Variants in ANO2 observed in about 807,000 individuals in gnomAD.
ANO2 encodes anoctamin 2, also known as anoctamin-2.
A neutral mutation model predicts 124.2 loss-of-function variants in ANO2; 101 were observed. The ratio of observed to expected loss-of-function variants is 0.81; its 90% CI spans 0.69 to 0.96. ANO2 has a LOEUF of 0.96. Among genes scored for constraint, ANO2 ranks in the 40% least tolerant of loss-of-function variants. ANO2 has a pLI of 0.00. For synonymous variants in ANO2, 486 were observed against 482.5 expected (o/e 1.01, Z -0.09); for missense variants, 1,293 against 1,274.5 (o/e 1.01, Z -0.22).
rs957185195 is a variant in ANO2 at position 5,769,532 on chromosome 12, C to G, written c.1056-18562G>C. Among the ~76,000 whole-genome samples the G allele has an allele frequency of 6.6e-6, 1 of 152,192 alleles. No homozygotes were observed. Among genetic ancestry groups the G allele is most frequent in the East Asian group, 1.9e-4 (1 of 5,174 alleles). The stretch of plus-strand genomic sequence containing the variant: ...CAAGAAAAACAAAGCAGGCAGAAAC[C>G]GAGTCACAGCATTGGCAGAATCCTC... On this transcript the variant is annotated intron_variant, in intron 10 of 24. Coordinates refer to ENST00000682330, the MANE Select transcript of ANO2 (RefSeq NM_001364791.2). This position sits in a 1 kb window ranked among gnomAD's most constrained non-coding sequence, Gnocchi z 4.0.
chr12:5,634,114 A>G (rs1945876872), intron 16 of ANO2, among the ~76,000 whole-genome samples: 3 of 152,230 alleles, frequency 2.0e-5, no homozygotes, highest in East Asian at 3.9e-4. Context: ...AGAAACACAG[A>G]TAACGTTCAC....
intron 10 of ANO2, among the ~76,000 whole-genome samples, chr12:5,788,922 AG>A (rs1952619524): frequency 6.6e-6 from 1 of 152,222 alleles, no homozygotes; most frequent in South Asian, 2.1e-4. Context: ...CTGGATGCTG[AG>A]AGGTCTGAGT....
chr12:5,645,407 C>T (rs1003708405), intron 15 of ANO2, among the ~76,000 whole-genome samples: 1 of 151,756 alleles, frequency 6.6e-6, no homozygotes, highest in Non-Finnish European at 1.5e-5. Context: ...ACAAATCTAT[C>T]CATGGTCGTG....
At chr12:5,806,020 A>G (rs1395599741) in intron 9 of ANO2, 32 bp downstream of exon 9, 3 of 1,610,074 alleles carry the variant, frequency 1.9e-6, no homozygotes, top group Non-Finnish European at 2.5e-6. Context: ...TCGCATGCCC[A>G]AAGTCCAGGA....
At chr12:5,619,686 C>T (rs1249774968) in intron 16 of ANO2, among the ~76,000 whole-genome samples, 1 of 152,228 alleles carries the variant, frequency 6.6e-6, no homozygotes, top group African/African-American at 2.4e-5. Context: ...AATAGTACCA[C>T]TGGAAAGAGG....
chr12:5,701,442 C>A (rs1423068249), intron 14 of ANO2, among the ~76,000 whole-genome samples: 1 of 152,142 alleles, frequency 6.6e-6, no homozygotes, highest in Non-Finnish European at 1.5e-5. Context: ...AGTCCTGGAC[C>A]TAATAAGTTT....
intron 14 of ANO2, among the ~76,000 whole-genome samples, chr12:5,687,352 C>T (rs1300343167): frequency 3.3e-5 from 5 of 152,228 alleles, no homozygotes; most frequent in Non-Finnish European, 7.3e-5. Context: ...GTTCTTTCAC[C>T]CCACTGCATA....
Position 5,755,140 on chromosome 12 carries a change from T to C in ANO2, c.1056-4170A>G, listed in dbSNP as rs144323825. On this transcript the variant is annotated intron_variant, in intron 10 of 24. Coordinates refer to ENST00000682330, the MANE Select transcript of ANO2 (RefSeq NM_001364791.2). ...TGTCTTGAGATATTTTCTAATTTCC[T>C]TTTTTGATTTATTCTTTGACCTAGA... 3.5e-3 allele frequency among the ~76,000 whole-genome samples: 539 copies of C among 152,014 alleles called. 7 individuals are homozygous for C. Among genetic ancestry groups the C allele is most frequent in the African/African-American group, 0.012 (515 of 41,554 alleles).
At chr12:5,733,093 C>A in intron 13 of ANO2, 1 of 612,460 alleles carries the variant, frequency 1.6e-6, no homozygotes, top group Non-Finnish European at 2.9e-6. Flanking sequence ...GTGAGGGCAA[C>A]AACAAAACTC....
At chr12:5,624,683 A>C (rs1300500788) in intron 16 of ANO2, among the ~76,000 whole-genome samples, 1 of 152,170 alleles carries the variant, frequency 6.6e-6, no homozygotes, top group East Asian at 1.9e-4. Flanking sequence ...CCAGCTGTGC[A>C]GTGGTGGACA....
chr12:5,808,885 A>G (rs941541712), intron 7 of ANO2, among the ~76,000 whole-genome samples: 2 of 152,078 alleles, frequency 1.3e-5, no homozygotes, highest in Admixed American at 6.5e-5. Context: ...CATTTGCCAC[A>G]GTTCCAGGAC....
At position 5,908,511 on chromosome 12, in the gene ANO2, G is replaced by A. The variant is rs1347652634; in HGVS notation, c.534+12529C>T. On this transcript the variant is annotated intron_variant, in intron 3 of 24. Transcript: ENST00000682330. The surrounding 1 kb of genome is among the most constrained non-coding windows in gnomAD (Gnocchi z 4.7). ...GAAAGTCCAACTGCTGGCCACAGTGGAGTGGTTTGCAGTAGCCGAGACTCC... is the reference window on the plus strand; with the variant it reads ...GAAAGTCCAACTGCTGGCCACAGTGAAGTGGTTTGCAGTAGCCGAGACTCC... 6.6e-6 allele frequency among the ~76,000 whole-genome samples: 1 copy of A among 152,210 alleles called. No individual in the cohort carries two copies. Among genetic ancestry groups the A allele is most frequent in the African/African-American group, 2.4e-5 (1 of 41,446 alleles).
intron 9 of ANO2, among the ~76,000 whole-genome samples, chr12:5,802,537 T>C (rs1953073543): frequency 6.6e-6 from 1 of 152,128 alleles, no homozygotes. Context: ...TAGTCACACA[T>C]AGTTAAGAGC....
intron 1 of ANO2, among the ~76,000 whole-genome samples, chr12:5,941,154 T>C (rs2885517): frequency 0.6 from 90,754 of 152,050 alleles, 27,565 homozygotes; most frequent in East Asian, 0.82. Context: ...TTTAGGATGA[T>C]GCAAATGCTT....
intron 20 of ANO2, among the ~76,000 whole-genome samples, chr12:5,595,144 A>G (rs1943595134): frequency 6.6e-6 from 1 of 152,208 alleles, no homozygotes; most frequent in African/African-American, 2.4e-5. Context: ...TAGCGCATGC[A>G]TGCATTCATT....
At chr12:5,713,279 T>C (rs1164306485) in intron 14 of ANO2, among the ~76,000 whole-genome samples, 1 of 152,218 alleles carries the variant, frequency 6.6e-6, no homozygotes, top group Non-Finnish European at 1.5e-5. Flanking sequence ...AAGTTTCTGG[T>C]GTAGACAACT....
chr12:5,890,339 T>C (rs376816915), intron 3 of ANO2, among the ~76,000 whole-genome samples: 3 of 152,214 alleles, frequency 2.0e-5, no homozygotes, highest in Non-Finnish European at 2.9e-5. Flanking sequence ...CTTAAGCCCT[T>C]TGGGACCCTG....
At chr12:5,644,303 C>A (rs1053892074) in intron 15 of ANO2, among the ~76,000 whole-genome samples, 1 of 152,168 alleles carries the variant, frequency 6.6e-6, no homozygotes, top group Non-Finnish European at 1.5e-5. Context: ...TATGCAGTGC[C>A]ACTTGCATTA....
At chr12:5,848,843 C>T (rs75927538) in intron 4 of ANO2, among the ~76,000 whole-genome samples, 2,750 of 152,304 alleles carry the variant, frequency 0.018, 73 homozygotes, top group African/African-American at 0.061. Flanking sequence ...AGAGCAGAAA[C>T]AGCCCTAGTC....
Sources: allele counts gnomAD v4.1 joint callset (sites outside exome capture counted in the v4.1 genomes callset), GRCh38; gene constraint gnomAD v4.1.1; non-coding constraint Gnocchi (gnomAD v3.1); transcripts MANE v1.5; gene names NCBI Gene and HGNC (gene_info 2026-07-23, HGNC 2026-07-21).